SHE: variants seen among roughly 807,000 people sequenced by gnomAD.
SHE encodes the protein SH2 domain-containing adapter protein E.
Under a neutral mutation model 49.8 loss-of-function variants are expected in SHE, and 11 were observed. The observed-to-expected ratio is 0.22, with a 90% CI of 0.14 to 0.37. The LOEUF is 0.37. SHE is among the 10% of genes least tolerant of loss of function. SHE has a pLI of 1.00. For missense variants in SHE, 624 were observed against 655.5 expected, an observed-to-expected ratio of 0.95 and a Z score of 0.52; for synonymous variants, 310 against 278.1, an observed-to-expected ratio of 1.11 and a Z score of -1.14.
rs1692350003 is a variant in SHE, at chr1:154,491,192, T to C, written c.719-1836A>G. Among the ~76,000 whole-genome samples, 5 of 152,236 alleles carry C rather than the reference T, an allele frequency of 3.3e-5. No homozygotes were observed. The South Asian group carries it at 1.0e-3, about 31-fold the overall frequency. ...GTCATAGTCAAGGAGGAACTTTCTA[T>C]ATGCAGATACCTCATCTCTTAACAC... On this transcript the variant is annotated intron_variant, in intron 2 of 5. Coordinates refer to ENST00000304760, the MANE Select transcript of SHE (RefSeq NM_001010846.3).
chr1:154,486,192 T>C, intron 4 of SHE, 130 bp from the exon 5 acceptor site: 1 of 1,254,000 alleles, frequency 8.0e-7, no homozygotes, highest in Non-Finnish European at 1.1e-6. Flanking sequence ...AACTAGATCC[T>C]GCTTCACATT....
chr1:154,487,908 A>G (rs1331777437), intron 3 of SHE, among the ~76,000 whole-genome samples: 2 of 148,732 alleles, frequency 1.3e-5, no homozygotes, highest in Non-Finnish European at 3.0e-5. Flanking sequence ...CAAATATATT[A>G]CCTTCTCCCT....
At chr1:154,501,058 C>A (rs1263150964) in intron 1 of SHE, among the ~76,000 whole-genome samples, 2 of 152,166 alleles carry the variant, frequency 1.3e-5, no homozygotes, top group Non-Finnish European at 2.9e-5. Flanking sequence ...ATTCCTTATG[C>A]TCAAGAAGCA....
chr1:154,501,921 G>T lies in SHE; in HGVS notation c.106C>A (p.Leu36Ile), dbSNP rs562292274. The T allele has an allele frequency of 2.0e-6, 3 of 1,496,376 alleles. No individual in the cohort carries two copies. The highest frequency in any genetic ancestry group is 1.3e-5 in the South Asian group (1 of 79,000). The allele number at this position is 1,496,376 out of a possible 1,614,324, so 92.7% of individuals were successfully genotyped here. ...TLLGRAGRGP[L>I]MAAKWFKEFP... The stretch of plus-strand genomic sequence containing the variant: ...TCCTTGAACCACTTGGCCGCCATGA[G>T]GGGGCCCCGGCCGGCTCGGCCCAGG... Residue 36 changes from leucine to isoleucine, a missense_variant, in exon 1 of 6, where the codon CTC becomes ATC. Leu to Ile is a conservative substitution (Grantham distance 5, BLOSUM62 2). This residue lies in a region of SHE where 337 missense variants were observed against 306.0 expected (regional missense o/e 1.10). Transcript: ENST00000304760.
rs1691980151 is a variant in SHE, at chr1:154,480,105, G to A, written c.*4044C>T. 1.0e-6 allele frequency: 1 copy of A among 985,366 alleles called. No homozygotes were observed. Among genetic ancestry groups the A allele is most frequent in the South Asian group, 4.7e-5 (1 of 21,292 alleles). 61.0% of individuals were successfully genotyped at this position (985,366 alleles called of 1,614,324 possible). A position where few individuals can be genotyped will look rare whatever the true frequency, so the allele number is the denominator to read the frequency against. On this transcript the variant is annotated 3_prime_UTR_variant, in exon 6 of 6. Transcript: ENST00000304760. The stretch of plus-strand genomic sequence containing the variant: ...CTGCACAGCAGGCCAAGTTTCTCTA[G>A]TCCACGTTAGTGGGGCACAAAAATT...
chr1:154,474,769 T>TG (rs1308406750), downstream of SHE, among the ~76,000 whole-genome samples: 1 of 152,162 alleles, frequency 6.6e-6, no homozygotes, highest in Non-Finnish European at 1.5e-5. Flanking sequence ...CCTCCCAAAG[T>TG]GCTATTACAG....
chr1:154,477,183 G>A (rs1319562512), downstream of SHE, among the ~76,000 whole-genome samples: 1 of 152,154 alleles, frequency 6.6e-6, no homozygotes, highest in African/African-American at 2.4e-5. Flanking sequence ...GATGGATACC[G>A]AAAACCCAAT....
intron 3 of SHE, among the ~76,000 whole-genome samples, chr1:154,487,317 G>A (rs1223015912): frequency 6.6e-6 from 1 of 150,766 alleles, no homozygotes. Context: ...CTATTTTTAG[G>A]ATAAAAGATT....
chr1:154,498,395 CTTTT>C (rs779336870), intron 2 of SHE, among the ~76,000 whole-genome samples: 2 of 133,712 alleles, frequency 1.5e-5, no homozygotes, highest in Admixed American at 7.5e-5. Context: ...TGCGCCTGGC[CTTTT>C]TTTTTTTTTC....
chr1:154,480,043 G>A lies in SHE; in HGVS notation c.*4106C>T. ...GTAACGCACCATCTCTCTTCACACA[G>A]GGTCAGCGGTGGAGGGTAAGTTGAA... is the stretch of plus-strand genomic sequence containing the variant. On this transcript the variant is annotated 3_prime_UTR_variant, in exon 6 of 6. Coordinates refer to ENST00000304760, the MANE Select transcript of SHE (RefSeq NM_001010846.3). The A allele has an allele frequency of 1.0e-6, 1 of 985,484 alleles. No individual in the cohort carries two copies. The highest frequency in any genetic ancestry group is 1.2e-6 in the Non-Finnish European group (1 of 829,948). The allele number at this position is 985,484 out of a possible 1,614,324, so 61.0% of individuals were successfully genotyped here. A position where few individuals can be genotyped will look rare whatever the true frequency, so the allele number is the denominator to read the frequency against.
At chr1:154,496,147 G>A (rs7537593) in intron 2 of SHE, among the ~76,000 whole-genome samples, 3,655 of 152,286 alleles carry the variant, frequency 0.024, 167 homozygotes, top group African/African-American at 0.083. Flanking sequence ...CCTACGGGTA[G>A]AATAAGAGGT....
At chr1:154,495,789 A>G (rs1191728069) in intron 2 of SHE, among the ~76,000 whole-genome samples, 2 of 152,156 alleles carry the variant, frequency 1.3e-5, no homozygotes, top group Non-Finnish European at 2.9e-5. Flanking sequence ...ACATATGGGC[A>G]GTATTCTACA....
rs867391583 is a variant in SHE at position 154,483,524 on chromosome 1, G to C, written c.*625C>G. The stretch of plus-strand genomic sequence containing the variant: ...CAGGTAACAAGTAGGCACATTTCTA[G>C]AGAACTCTGATGCTCCTGAACTCCT... On this transcript the variant is annotated 3_prime_UTR_variant, in exon 6 of 6. Coordinates refer to ENST00000304760, the MANE Select transcript of SHE (RefSeq NM_001010846.3). The C allele has an allele frequency of 7.6e-5, 75 of 985,428 alleles. No individual in the cohort carries two copies. In the African/African-American group the frequency reaches 1.2e-3, roughly 15 times the overall value. 61.0% of individuals were successfully genotyped at this position (985,428 alleles called of 1,614,324 possible). A position where few individuals can be genotyped will look rare whatever the true frequency, so the allele number is the denominator to read the frequency against.
At chr1:154,474,087 G>A (rs1290321627) in intron 1 of SHE, among the ~76,000 whole-genome samples, 1 of 152,228 alleles carries the variant, frequency 6.6e-6, no homozygotes. Context: ...TACCTCATGG[G>A]CTTCTCTTAC....
At chr1:154,472,714 G>A (rs1450882175) in intron 1 of SHE, among the ~76,000 whole-genome samples, 1 of 152,164 alleles carries the variant, frequency 6.6e-6, no homozygotes, top group Non-Finnish European at 1.5e-5. Flanking sequence ...GGGACCGCAG[G>A]GCTAGAGGTA....
At chr1:154,495,176 T>A (rs538162793) in intron 2 of SHE, among the ~76,000 whole-genome samples, 52 of 152,364 alleles carry the variant, frequency 3.4e-4, no homozygotes, top group Non-Finnish European at 6.8e-4. Flanking sequence ...GAAAGAATCC[T>A]CATGCTAACT....
chr1:154,498,933 A>G (rs1004542295), intron 2 of SHE, among the ~76,000 whole-genome samples, 179 bp downstream of exon 2: 1 of 152,238 alleles, frequency 6.6e-6, no homozygotes, highest in African/African-American at 2.4e-5. Context: ...ATACTAAATC[A>G]TACAGGAAGT....
chr1:154,475,290 G>A (rs1469506421), downstream of SHE, among the ~76,000 whole-genome samples: 6 of 152,136 alleles, frequency 3.9e-5, no homozygotes, highest in African/African-American at 7.2e-5. Flanking sequence ...AGGTTCAAGC[G>A]ATTCTCCTGC....
At chr1:154,499,371 T>C (rs1692637449) in intron 1 of SHE, 133 bp from the exon 2 acceptor site, 2 of 980,526 alleles carry the variant, frequency 2.0e-6, no homozygotes, top group African/African-American at 1.6e-5. Context: ...CAGATAGCTT[T>C]TGCACTTGAT....
Sources: gnomAD v4.1 joint callset for allele counts (sites outside exome capture counted in the v4.1 genomes callset) on GRCh38, gnomAD v4.1.1 for gene constraint, gnomAD v4.1.1 regional missense constraint, MANE v1.5 for transcripts, NCBI Gene and HGNC (gene_info 2026-07-23, HGNC 2026-07-21) for gene names.